PALM: variants seen among roughly 807,000 people sequenced by gnomAD.
PALM encodes the protein paralemmin.
PALM carries 18 observed loss-of-function variants against 30.7 expected under a neutral mutation model. That is an observed-to-expected ratio of 0.59 (90% CI 0.41 to 0.87). PALM has a LOEUF of 0.87. Among genes scored for constraint, PALM ranks in the 40% least tolerant of loss-of-function variants. The pLI, the probability that PALM is intolerant of heterozygous loss-of-function variation, is 0.00. For synonymous variants in PALM, 286 were observed against 242.8 expected (o/e 1.18, Z -1.66); for missense variants, 529 against 555.4 (o/e 0.95, Z 0.48).
chr19:726,019 G>T, intron 1 of PALM, 119 bp from the exon 2 acceptor site: 1 of 771,952 alleles, frequency 1.3e-6, no homozygotes. Flanking sequence ...CTGGGGTTCA[G>T]AGATGAAATC....
chr19:743,193 C>G (rs1294759969), intron 8 of PALM, among the ~76,000 whole-genome samples: 4 of 152,198 alleles, frequency 2.6e-5, no homozygotes, highest in Non-Finnish European at 5.9e-5. Context: ...CAGCCCAGCT[C>G]TGGAGTGGCT....
rs1296428484 is a variant in PALM at position 747,056 on chromosome 19, C to T, written c.*242C>T. The T allele has an allele frequency of 5.9e-6, 3 of 506,664 alleles. No homozygotes were observed. The highest frequency in any genetic ancestry group is 6.8e-5 in the East Asian group (2 of 29,596). 31.4% of individuals were successfully genotyped at this position (506,664 alleles called of 1,614,324 possible). On this transcript the variant is annotated 3_prime_UTR_variant, in exon 9 of 9. Transcript: ENST00000338448. ...TGTGCCTGGTAGGAGAGAGACAGGACAGACCCGCTTTTCCCGAGACAAGGA... is the reference window on the plus strand; with the variant it reads ...TGTGCCTGGTAGGAGAGAGACAGGATAGACCCGCTTTTCCCGAGACAAGGA...
At position 711,871 on chromosome 19, in the gene PALM, C is replaced by A. The variant is rs531973677; in HGVS notation, c.5+2720C>A. On this transcript the variant is annotated intron_variant, in intron 1 of 8. Transcript: ENST00000338448. ...CTGGGCTCAAGCGACTTCCCTGCCT[C>A]AGCCTCCCAAGTAGCTGGGACGACA... Among the ~76,000 whole-genome samples the A allele has an allele frequency of 1.2e-3, 189 of 152,272 alleles. 1 individual carries two copies. The highest frequency in any genetic ancestry group is 1.4e-3 in the Non-Finnish European group (97 of 68,020).
In PALM at chr19:731,310, C is replaced by G. The variant is rs924232319; in HGVS notation, c.420+65C>G. ...ACTCCCGCTGGCCCCAGAGCGAGGC[C>G]CCAGCCCTTCCATGTCAGCGTAGCT... On this transcript the variant is annotated intron_variant, in intron 5 of 8. Transcript: ENST00000338448. The G allele has an allele frequency of 1.1e-5, 15 of 1,403,224 alleles. No homozygotes were observed. The Admixed American group carries it at 3.7e-4, about 34-fold the overall frequency. The allele number at this position is 1,403,224 out of a possible 1,614,324, so 86.9% of individuals were successfully genotyped here.
intron 1 of PALM, chr19:719,231 C>A (rs1192213273): frequency 1.0e-6 from 1 of 985,508 alleles, no homozygotes; most frequent in Non-Finnish European, 1.2e-6. Context: ...ACAGGGCCCG[C>A]CCTGCTCGCT....
intron 4 of PALM, 105 bp downstream of exon 4, chr19:727,799 G>A (rs532284129): frequency 1.8e-6 from 2 of 1,095,274 alleles, no homozygotes; most frequent in Admixed American, 2.5e-5. Flanking sequence ...CTTTGAGGGA[G>A]ATGCGTGGAC....
At chr19:735,955 T>G (rs1320090569) in intron 6 of PALM, 64 bp from the exon 7 acceptor site, 1 of 1,402,958 alleles carries the variant, frequency 7.1e-7, no homozygotes, top group Non-Finnish European at 1.0e-6. Flanking sequence ...TTGGGCTGTC[T>G]GGGGGGTCCA....
rs59695010 is a variant in PALM, at chr19:742,616, A to AAAAAAAAG, written c.634+2136_634+2137insAAAAGAAA. 5.4e-5 allele frequency among the ~76,000 whole-genome samples: 8 copies of AAAAAAAAG among 147,714 alleles called. No individual in the cohort carries two copies. Among genetic ancestry groups the AAAAAAAAG allele is most frequent in the Non-Finnish European group, 1.0e-4 (7 of 67,044 alleles). On this transcript the variant is annotated intron_variant, in intron 8 of 8. Coordinates refer to ENST00000338448, the MANE Select transcript of PALM (RefSeq NM_002579.3). This position sits in a 1 kb window ranked among gnomAD's most constrained non-coding sequence, Gnocchi z 5.5. Reference sequence around the variant, plus strand: ...GTGAAACTCTGTCTCAAAAAAAAAAAAAAGAAAGAAAAGAGAATAAATGGG... The same window carrying AAAAAAAAG: ...GTGAAACTCTGTCTCAAAAAAAAAAAAAAAAAAGAAAGAAAGAAAAGAGAATAAATGGG...
At chr19:710,244 C>T (rs556052744) in intron 1 of PALM, among the ~76,000 whole-genome samples, 1 of 152,240 alleles carries the variant, frequency 6.6e-6, no homozygotes, top group African/African-American at 2.4e-5. Context: ...GCCACGCCCG[C>T]GGCTGGGTGG....
intron 1 of PALM, among the ~76,000 whole-genome samples, chr19:718,424 C>A (rs1006349540): frequency 6.6e-6 from 1 of 152,166 alleles, no homozygotes; most frequent in Admixed American, 6.5e-5. Context: ...AGTGCAGTCG[C>A]GTGGGGAGGG....
At chr19:713,857 C>T (rs1234342141) in intron 1 of PALM, among the ~76,000 whole-genome samples, 2 of 151,366 alleles carry the variant, frequency 1.3e-5, no homozygotes, top group African/African-American at 4.9e-5. Flanking sequence ...GCTGGGATTA[C>T]AAGAATGAGC....
intron 3 of PALM, 87 bp downstream of exon 3, chr19:727,175 C>G (rs2032698574): frequency 1.1e-6 from 1 of 881,706 alleles, no homozygotes; most frequent in Non-Finnish European, 1.8e-6. Context: ...CTGACCCTGA[C>G]CCCAATCCCA....
Position 711,209 on chromosome 19 carries a change from C to T in PALM, c.5+2058C>T, listed in dbSNP as rs542767188. ...GCCGATGCTGCCAAGGTGAGGAGAA[C>T]GTCCAGGAAGGAGCTGGGGAGAATC... On this transcript the variant is annotated intron_variant, in intron 1 of 8. Coordinates refer to ENST00000338448, the MANE Select transcript of PALM (RefSeq NM_002579.3). 16 of 983,506 alleles carry T rather than the reference C, an allele frequency of 1.6e-5. No individual in the cohort carries two copies. The Admixed American group carries it at 3.7e-4, about 23-fold the overall frequency. 60.9% of individuals were successfully genotyped at this position (983,506 alleles called of 1,614,324 possible).
At chr19:726,003 G>A in intron 1 of PALM, 135 bp from the exon 2 acceptor site, 1 of 719,886 alleles carries the variant, frequency 1.4e-6, no homozygotes, top group Non-Finnish European at 2.4e-6. Context: ...TTTACAGAAG[G>A]GGAAACTGGG....
At chr19:719,099 C>A (rs2032366314) in intron 1 of PALM, 2 of 984,908 alleles carry the variant, frequency 2.0e-6, no homozygotes, top group South Asian at 9.4e-5. Context: ...GGAATGTTCC[C>A]GGCGCTGGGC....
Position 709,925 on chromosome 19 carries a change from C to T in PALM, c.5+774C>T, listed in dbSNP as rs2032017438. On this transcript the variant is annotated intron_variant, in intron 1 of 8. Coordinates refer to ENST00000338448, the MANE Select transcript of PALM (RefSeq NM_002579.3). This position sits in a 1 kb window ranked among gnomAD's most constrained non-coding sequence, Gnocchi z 4.3. Reference sequence around the variant, plus strand: ...GCCTGTGTGTGTGGGGGGGGGGTGGCCAGTGGAGGCACCGAGCGAGGGCGC... The same window carrying T: ...GCCTGTGTGTGTGGGGGGGGGGTGGTCAGTGGAGGCACCGAGCGAGGGCGC... 6.6e-6 allele frequency among the ~76,000 whole-genome samples: 1 copy of T among 150,900 alleles called. No homozygotes were observed. Among genetic ancestry groups the T allele is most frequent in the Non-Finnish European group, 1.5e-5 (1 of 67,786 alleles).
chr19:715,189 AC>A (rs1472064913), intron 1 of PALM, among the ~76,000 whole-genome samples: 2 of 151,866 alleles, frequency 1.3e-5, no homozygotes, highest in Non-Finnish European at 2.9e-5. Context: ...AATCGCTTGA[AC>A]CTGGGAGGCG....
At chr19:722,019 C>T (rs888369778) in intron 1 of PALM, among the ~76,000 whole-genome samples, 4 of 151,344 alleles carry the variant, frequency 2.6e-5, no homozygotes, top group Non-Finnish European at 5.9e-5. Context: ...TCCGGGTTCA[C>T]GCCATTCTCC....
At chr19:715,127 G>C (rs895937982) in intron 1 of PALM, among the ~76,000 whole-genome samples, 1 of 152,194 alleles carries the variant, frequency 6.6e-6, no homozygotes, top group Non-Finnish European at 1.5e-5. Context: ...AGCCGGGCGG[G>C]CGTGGTGGCG....
Sources: gnomAD v4.1 joint callset for allele counts (sites outside exome capture counted in the v4.1 genomes callset) on GRCh38, gnomAD v4.1.1 for gene constraint, Gnocchi (gnomAD v3.1) non-coding constraint, MANE v1.5 for transcripts, NCBI Gene and HGNC (gene_info 2026-07-23, HGNC 2026-07-21) for gene names.